The following KCNH7 variants were observed in gnomAD, a reference collection of about 807,000 sequenced individuals.
KCNH7 encodes voltage-gated inwardly rectifying potassium channel KCNH7.
A neutral mutation model predicts 120.8 loss-of-function variants in KCNH7; 49 were observed. The ratio of observed to expected loss-of-function variants is 0.41; its 90% CI spans 0.32 to 0.51. The LOEUF (loss-of-function observed/expected upper bound fraction) is 0.51. KCNH7 is among the 20% of genes least tolerant of loss of function. The pLI is 0.38. For missense variants in KCNH7, 1,097 were observed against 1,446.6 expected (o/e 0.76, Z 3.92); for synonymous variants, 547 against 516.1 (o/e 1.06, Z -0.81).
intron 2 of KCNH7, among the ~76,000 whole-genome samples, chr2:162,544,073 G>A (rs369874870): frequency 3.9e-5 from 6 of 152,220 alleles, no homozygotes; most frequent in South Asian, 2.1e-4. Context: ...ATAGTAGGGG[G>A]AAGGCCCTTT....
chr2:162,620,167 GAGAGAT>G (rs1256028002), intron 2 of KCNH7, among the ~76,000 whole-genome samples: 85 of 149,696 alleles, frequency 5.7e-4, no homozygotes, highest in African/African-American at 2.0e-3. Context: ...TATATAGAGA[GAGAGAT>G]AGATATTTTT....
chr2:162,420,798 C>T (rs16846682), intron 9 of KCNH7, among the ~76,000 whole-genome samples: 1 of 152,174 alleles, frequency 6.6e-6, no homozygotes, highest in East Asian at 1.9e-4. Flanking sequence ...TCATGGAATG[C>T]TGATGCGAAA....
At chr2:162,604,719 A>G (rs769884965) in intron 2 of KCNH7, among the ~76,000 whole-genome samples, 2 of 152,040 alleles carry the variant, frequency 1.3e-5, no homozygotes, top group Non-Finnish European at 2.9e-5. Context: ...GTCTTACTTC[A>G]ACTCTATTTA....
chr2:162,586,204 C>G (rs1469947418), intron 2 of KCNH7, among the ~76,000 whole-genome samples: 1 of 152,052 alleles, frequency 6.6e-6, no homozygotes, highest in Non-Finnish European at 1.5e-5. Context: ...ATCCCACTCT[C>G]CTTGAATCTG....
chr2:162,425,014 G>A (rs1558938012), intron 8 of KCNH7, among the ~76,000 whole-genome samples: 1 of 152,162 alleles, frequency 6.6e-6, no homozygotes, highest in Admixed American at 6.6e-5. Context: ...CCTCCCCACT[G>A]TGGGTGGGCT....
intron 2 of KCNH7, among the ~76,000 whole-genome samples, chr2:162,574,316 C>T (rs527702854): frequency 6.6e-6 from 1 of 151,834 alleles, no homozygotes; most frequent in Non-Finnish European, 1.5e-5. Flanking sequence ...GACAGACAAG[C>T]CTGTCTCAAC....
intron 6 of KCNH7, among the ~76,000 whole-genome samples, chr2:162,449,159 T>C (rs977966064): frequency 6.6e-6 from 1 of 152,016 alleles, no homozygotes; most frequent in Middle Eastern, 3.4e-3. Context: ...GGAAGTAGGG[T>C]AGAGGACGGC....
intron 6 of KCNH7, among the ~76,000 whole-genome samples, chr2:162,477,548 C>G (rs1403288856): frequency 4.6e-5 from 7 of 151,860 alleles, no homozygotes; most frequent in Non-Finnish European, 8.8e-5. Flanking sequence ...GCAGTCAGGC[C>G]CTAAAAAAAA....
At chr2:162,801,783 CCAT>C (rs1378722236) in intron 2 of KCNH7, among the ~76,000 whole-genome samples, 1 of 151,652 alleles carries the variant, frequency 6.6e-6, no homozygotes, top group Non-Finnish European at 1.5e-5. Flanking sequence ...AGGAAAATCC[CCAT>C]CTAGAGTCCT....
chr2:162,702,677 G>A (rs1686555481), intron 2 of KCNH7, among the ~76,000 whole-genome samples: 1 of 152,124 alleles, frequency 6.6e-6, no homozygotes, highest in Admixed American at 6.5e-5. Flanking sequence ...ATTTAAAGCA[G>A]TGCGTCTCTA....
intron 2 of KCNH7, among the ~76,000 whole-genome samples, chr2:162,590,108 A>G (rs1694160251): frequency 6.6e-6 from 1 of 152,106 alleles, no homozygotes; most frequent in South Asian, 2.1e-4. Flanking sequence ...TCGGGGGCAG[A>G]AGAGGGAAAG....
chr2:162,652,508 A>G (rs1205230577), intron 2 of KCNH7, among the ~76,000 whole-genome samples: 4 of 152,144 alleles, frequency 2.6e-5, no homozygotes, highest in Non-Finnish European at 4.4e-5. Context: ...ATTGGGCATT[A>G]GTTAGATCCT....
intron 2 of KCNH7, among the ~76,000 whole-genome samples, chr2:162,825,866 CAT>C (rs1030185700): frequency 3.3e-5 from 5 of 152,042 alleles, no homozygotes; most frequent in Non-Finnish European, 7.4e-5. Context: ...TGAATGCTCA[CAT>C]GTGTGTATTT....
Position 162,373,662 on chromosome 2 carries a change from C to A in KCNH7, c.3132G>T (p.Arg1044Ser). The change falls in exon 15 of 16, where the codon AGG (arginine) becomes AGT (serine). Residue 1044 changes from arginine to serine, a missense_variant and splice_region_variant. By Grantham distance (110) the Arg-to-Ser change is moderately radical. Around this residue, in one of 8 missense-constraint regions of KCNH7, gnomAD observed 406 missense variants for 410.5 expected, o/e 0.99. Coordinates refer to ENST00000332142, the MANE Select transcript of KCNH7 (RefSeq NM_033272.4). ...TGTCAGTGGTCATTTGGGATTCAAG[C>A]CTACAGAACAGACAGAAGTAGGAAA... The part of the protein sequence containing the change: ...RLDLLQEQLN[R>S]LESQMTTDIQ... 2 of 1,481,036 alleles carry A rather than the reference C, an allele frequency of 1.4e-6. No homozygotes were observed. Among genetic ancestry groups the A allele is most frequent in the South Asian group, 1.4e-5 (1 of 70,096 alleles). 91.7% of individuals were successfully genotyped at this position (1,481,036 alleles called of 1,614,324 possible).
At chr2:162,508,143 A>G (rs1690945994) in intron 5 of KCNH7, among the ~76,000 whole-genome samples, 1 of 151,554 alleles carries the variant, frequency 6.6e-6, no homozygotes, top group Non-Finnish European at 1.5e-5. Flanking sequence ...CCATTTCAGG[A>G]TAGGAAAATG....
At chr2:162,729,231 T>C (rs1354640327) in intron 2 of KCNH7, among the ~76,000 whole-genome samples, 1 of 148,736 alleles carries the variant, frequency 6.7e-6, no homozygotes, top group Non-Finnish European at 1.5e-5. Context: ...AGTGGCGCGA[T>C]CTCAGCTCAC....
At chr2:162,457,979 G>A (rs371967145) in intron 6 of KCNH7, among the ~76,000 whole-genome samples, 1 of 152,046 alleles carries the variant, frequency 6.6e-6, no homozygotes, top group Non-Finnish European at 1.5e-5. Flanking sequence ...ATAAATCAAA[G>A]ATGTCACATA....
intron 2 of KCNH7, among the ~76,000 whole-genome samples, chr2:162,734,418 TA>T (rs1687830054): frequency 6.6e-6 from 1 of 152,198 alleles, no homozygotes; most frequent in South Asian, 2.1e-4. Flanking sequence ...TCATAGATGT[TA>T]ATTTTATGTA....
At chr2:162,389,543 G>C (rs756053065) in intron 12 of KCNH7, among the ~76,000 whole-genome samples, 1 of 151,996 alleles carries the variant, frequency 6.6e-6, no homozygotes, top group Non-Finnish European at 1.5e-5. Flanking sequence ...TTCTGATGAG[G>C]AACGGGAGGC....
Sources: gnomAD v4.1 joint callset for allele counts (sites outside exome capture counted in the v4.1 genomes callset) on GRCh38, gnomAD v4.1.1 for gene constraint, gnomAD v4.1.1 regional missense constraint, MANE v1.5 for transcripts, NCBI Gene and HGNC (gene_info 2026-07-23, HGNC 2026-07-21) for gene names.